RASL12: variants seen among roughly 807,000 people sequenced by gnomAD.
RASL12 encodes the protein ras-like protein family member 12.
RASL12 carries 16 observed loss-of-function variants against 22.9 expected under a neutral mutation model. The ratio of observed to expected loss-of-function variants is 0.70; its 90% CI spans 0.47 to 1.06. The LOEUF is 1.06. Among genes scored for constraint, RASL12 ranks in the 50% least tolerant of loss-of-function variants. The probability of loss-of-function intolerance (pLI) is 0.00; values close to 1 mark genes in which losing one functional copy is unlikely to be tolerated. For missense variants in RASL12, 306 were observed against 353.1 expected (o/e 0.87, Z 1.07); for synonymous variants, 159 against 152.2 (o/e 1.04, Z -0.33).
intron 3 of RASL12, 128 bp downstream of exon 3, chr15:65,059,217 G>C: frequency 1.3e-6 from 1 of 759,290 alleles, no homozygotes; most frequent in African/African-American, 1.7e-5. Flanking sequence ...GCCTCATTCA[G>C]GGTTACACAG....
chr15:65,064,454 G>A (rs537169441), intron 2 of RASL12, among the ~76,000 whole-genome samples: 5 of 152,238 alleles, frequency 3.3e-5, no homozygotes, highest in African/African-American at 4.8e-5. Flanking sequence ...ATGATGCAGC[G>A]ATGAAAACAA....
chr15:65,054,829 T>C lies in RASL12; in HGVS notation c.*70A>G. On this transcript the variant is annotated 3_prime_UTR_variant, in exon 5 of 5. Coordinates refer to ENST00000220062, the MANE Select transcript of RASL12 (RefSeq NM_016563.4). ...GTCCATCAGACGGAAAGGCTGGTGG[T>C]GAGAAGCCAGTCCCTGTCCTGCTGC... The C allele has an allele frequency of 1.3e-6, 2 of 1,535,982 alleles. No individual in the cohort carries two copies. The highest frequency in any genetic ancestry group is 1.4e-5 in the African/African-American group (1 of 72,728).
At chr15:65,051,975 A>C (rs924642816), downstream of RASL12, among the ~76,000 whole-genome samples, 3 of 152,180 alleles carry the variant, frequency 2.0e-5, no homozygotes, top group Non-Finnish European at 4.4e-5. Flanking sequence ...TCCCCCTACG[A>C]CCCAGTCAGA....
At chr15:65,049,920 A>C, downstream of RASL12, 2 of 1,005,398 alleles carry the variant, frequency 2.0e-6, no homozygotes, top group Middle Eastern at 2.6e-4. Context: ...TTCTCTGCCC[A>C]GGGGCCAGAA....
At chr15:65,072,551 C>A (rs2086939244), upstream of RASL12, among the ~76,000 whole-genome samples, 1 of 152,142 alleles carries the variant, frequency 6.6e-6, no homozygotes, top group South Asian at 2.1e-4. Context: ...ATGGCAGATA[C>A]CATTTTACAC....
chr15:65,048,430 G>C (rs899515240), downstream of RASL12, among the ~76,000 whole-genome samples: 1 of 152,172 alleles, frequency 6.6e-6, no homozygotes, highest in Non-Finnish European at 1.5e-5. Context: ...CTGTCTGGCT[G>C]TTTGCCATCT....
At chr15:65,045,854 G>A in the RASL12 span, among the ~76,000 whole-genome samples, 1 of 152,234 alleles carries the variant, frequency 6.6e-6, no homozygotes, top group Non-Finnish European at 1.5e-5. Flanking sequence ...GAAGCAAACT[G>A]GATACGTGCT....
intron 2 of RASL12, among the ~76,000 whole-genome samples, chr15:65,059,751 G>T (rs1243243654): frequency 1.3e-5 from 2 of 152,302 alleles, no homozygotes; most frequent in South Asian, 4.1e-4. Flanking sequence ...GCTGGCTCAG[G>T]AGCAACACTG....
At chr15:65,045,593 T>G in the RASL12 span, 2 of 152,294 alleles carry the variant, frequency 1.3e-5, no homozygotes, top group African/African-American at 4.8e-5. Context: ...GTGAGTGTCC[T>G]CATCTTGCCT....
chr15:65,075,921 G>A (rs958523172), intron 1 of RASL12, among the ~76,000 whole-genome samples: 2 of 152,086 alleles, frequency 1.3e-5, no homozygotes, highest in African/African-American at 2.4e-5. Context: ...AGCACCCTGA[G>A]TTTAGTTCAA....
the RASL12 span, among the ~76,000 whole-genome samples, chr15:65,048,185 GA>G: frequency 2.2e-4 from 21 of 95,392 alleles, no homozygotes; most frequent in East Asian, 5.4e-4. Flanking sequence ...CGTCTCAAAA[GA>G]AAAAAAAAGA....
downstream of RASL12, chr15:65,049,095 TTC>T (rs2086613528): frequency 6.6e-6 from 1 of 152,046 alleles, no homozygotes; most frequent in African/African-American, 2.4e-5. Flanking sequence ...TTTTACCTAT[TTC>T]TTTTTGTTTT....
chr15:65,048,196 A>G, the RASL12 span, among the ~76,000 whole-genome samples: 7 of 94 alleles, frequency 0.074, no homozygotes, highest in Admixed American at 0.1. Flanking sequence ...AAAAAAAAAG[A>G]AAAAAAAAAA....
chr15:65,057,257 G>T (rs1324518395), intron 4 of RASL12, among the ~76,000 whole-genome samples: 2 of 152,230 alleles, frequency 1.3e-5, no homozygotes, highest in Non-Finnish European at 2.9e-5. Flanking sequence ...AGGGCAGCAG[G>T]ACTGACCAAC....
intron 2 of RASL12, among the ~76,000 whole-genome samples, chr15:65,064,405 C>T (rs534322971): frequency 6.6e-6 from 1 of 152,310 alleles, no homozygotes; most frequent in African/African-American, 2.4e-5. Flanking sequence ...TCAAACCCAG[C>T]TCTGACTGAC....
At chr15:65,050,077 C>T (rs1239017425), downstream of RASL12, 2 of 1,551,476 alleles carry the variant, frequency 1.3e-6, no homozygotes, top group African/African-American at 1.4e-5. Flanking sequence ...GGAAGAGATG[C>T]TTTGGTTTTT....
chr15:65,049,237 T>C (rs964617608), downstream of RASL12: 3 of 149,796 alleles, frequency 2.0e-5, no homozygotes, highest in Admixed American at 2.0e-4. Flanking sequence ...GGGATGGAAA[T>C]AGGCCTACAC....
In RASL12 at chr15:65,067,787, C is replaced by T; in HGVS notation, c.49G>A (p.Ala17Thr). Residue 17 changes from alanine (A) to threonine (T), a missense_variant, in exon 1 of 5, where the codon GCG (alanine) becomes ACG (threonine). Coordinates refer to ENST00000220062, the MANE Select transcript of RASL12 (RefSeq NM_016563.4). Reference sequence around the variant, plus strand: ...ATGGCCAGGTTGACCTCGAGGGGCGCGCTCTGAGGCCCGCTGCCCGCGCGG... The same window carrying T: ...ATGGCCAGGTTGACCTCGAGGGGCGTGCTCTGAGGCCCGCTGCCCGCGCGG... The part of the protein sequence containing the change: ...KPRAGSGPQS[A>T]PLEVNLAILG... The T allele has an allele frequency of 6.3e-7, 1 of 1,581,368 alleles. No individual in the cohort carries two copies. The highest frequency in any genetic ancestry group is 8.6e-7 in the Non-Finnish European group (1 of 1,166,754).
chr15:65,049,948 G>C, downstream of RASL12: 1 of 1,401,962 alleles, frequency 7.1e-7, no homozygotes, highest in Non-Finnish European at 9.8e-7. Flanking sequence ...GGCCAGGAGG[G>C]CTGCTGGGGC....
Sources: allele counts gnomAD v4.1 joint callset (sites outside exome capture counted in the v4.1 genomes callset), GRCh38; gene constraint gnomAD v4.1.1; transcripts MANE v1.5; gene names NCBI Gene and HGNC (gene_info 2026-07-23, HGNC 2026-07-21).